RNF34: variants seen among roughly 807,000 people sequenced by gnomAD.
RNF34 encodes the protein ring finger protein 34.
RNF34 carries 12 observed loss-of-function variants against 37.9 expected under a neutral mutation model. That is an observed-to-expected ratio of 0.32 (90% CI 0.20 to 0.51). RNF34 has a LOEUF of 0.51. Ranked by LOEUF, RNF34 falls within the 20% of genes least tolerant of loss-of-function variation. The pLI is 0.97. For synonymous variants in RNF34, 155 were observed against 177.2 expected (o/e 0.87, Z 1.00); for missense variants, 362 against 472.7 (o/e 0.77, Z 2.17).
intron 5 of RNF34, among the ~76,000 whole-genome samples, chr12:121,422,417 G>GC (rs1872248549): frequency 6.6e-6 from 1 of 152,114 alleles, no homozygotes. Flanking sequence ...AGAGACCAAG[G>GC]CCCACTCTGA....
chr12:121,418,014 A>G (rs1555282599), intron 3 of RNF34, 103 bp downstream of exon 3: 4 of 1,256,960 alleles, frequency 3.2e-6, no homozygotes, highest in Non-Finnish European at 3.3e-6. Flanking sequence ...ACTTCAAGTC[A>G]TGTGCTGGAG....
chr12:121,418,005 C>CTT lies in RNF34; in HGVS notation c.633+95_633+96dup, dbSNP rs1472298147. 26 of 1,314,650 alleles carry CTT rather than the reference C, an allele frequency of 2.0e-5. No homozygotes were observed. In the Admixed American group the frequency reaches 5.4e-4, roughly 28 times the overall value. 81.4% of individuals were successfully genotyped at this position (1,314,650 alleles called of 1,614,324 possible). A position where few individuals can be genotyped will look rare whatever the true frequency, so the allele number is the denominator to read the frequency against. Reference sequence around the variant, plus strand: ...TTAGTGCTTGATGACTTCTGATAAACTTCAAGTCATGTGCTGGAGTGAAGC... The same window carrying CTT: ...TTAGTGCTTGATGACTTCTGATAAACTTTTCAAGTCATGTGCTGGAGTGAAGC... On this transcript the variant is annotated intron_variant, in intron 3 of 5. Coordinates refer to ENST00000361234, the MANE Select transcript of RNF34 (RefSeq NM_025126.4).
In RNF34 at chr12:121,420,750, C is replaced by T; in HGVS notation, c.900C>T (p.Tyr300=). 2 of 1,613,616 alleles carry T rather than the reference C, an allele frequency of 1.2e-6. No individual in the cohort carries two copies. Among genetic ancestry groups the T allele is most frequent in the Non-Finnish European group, 1.7e-6 (2 of 1,179,552 alleles). Residue 300 remains tyrosine, a synonymous_variant, in exon 5 of 6, where the codon TAC becomes TAT. Transcript: ENST00000361234. Reference sequence around the variant, plus strand: ...TGGTAGAGAAAGTAAACCGGTTATACAAAGAGAATGAAGAAAACCAAAAGT... The same window carrying T: ...TGGTAGAGAAAGTAAACCGGTTATATAAAGAGAATGAAGAAAACCAAAAGT... The part of the protein sequence containing the change: ...WELVEKVNRL[Y]KENEENQKSY...
At chr12:121,414,478 G>A (rs1871376322) in intron 1 of RNF34, among the ~76,000 whole-genome samples, 2 of 152,150 alleles carry the variant, frequency 1.3e-5, no homozygotes, top group African/African-American at 4.8e-5. Flanking sequence ...GGCAGGTATA[G>A]TGATAGCCCT....
chr12:121,422,335 T>C (rs1872240861), intron 5 of RNF34, among the ~76,000 whole-genome samples: 3 of 152,228 alleles, frequency 2.0e-5, no homozygotes, highest in South Asian at 4.1e-4. Context: ...TGTTCCCATA[T>C]CCCTGACAAG....
intron 1 of RNF34, among the ~76,000 whole-genome samples, chr12:121,406,405 A>G (rs1303817863): frequency 1.3e-5 from 2 of 151,136 alleles, no homozygotes; most frequent in South Asian, 2.1e-4. Context: ...TTGTGCCTCA[A>G]CCTCCCCAGT....
chr12:121,419,547 T>C lies in RNF34; in HGVS notation c.634-695T>C, dbSNP rs147950606. Reference sequence around the variant, plus strand: ...ACCACCATTTGGGTGATGTGGATTGTTGGATGCTACAGTATGGTGCCTGGC... The same window carrying C: ...ACCACCATTTGGGTGATGTGGATTGCTGGATGCTACAGTATGGTGCCTGGC... On this transcript the variant is annotated intron_variant, in intron 3 of 5. Coordinates refer to ENST00000361234, the MANE Select transcript of RNF34 (RefSeq NM_025126.4). 2.7e-5 allele frequency among the ~76,000 whole-genome samples: 4 copies of C among 147,690 alleles called. No homozygotes were observed. The East Asian group carries it at 7.9e-4, about 29-fold the overall frequency.
intron 3 of RNF34, chr12:121,418,330 G>A (rs573608438): frequency 6.2e-6 from 1 of 161,674 alleles, no homozygotes; most frequent in East Asian, 1.9e-4. Flanking sequence ...CAGTGAAATT[G>A]TTCTAATTTA....
At chr12:121,406,606 C>T (rs1444076619) in intron 1 of RNF34, among the ~76,000 whole-genome samples, 4 of 152,108 alleles carry the variant, frequency 2.6e-5, no homozygotes, top group African/African-American at 7.2e-5. Context: ...TTTTTAAATA[C>T]GATACCTGGT....
intron 1 of RNF34, among the ~76,000 whole-genome samples, chr12:121,403,184 C>T (rs1171696756): frequency 3.3e-5 from 5 of 152,260 alleles, no homozygotes; most frequent in Admixed American, 6.5e-5. Flanking sequence ...ATCACAAGGT[C>T]AGGAGGTTGA....
intron 1 of RNF34, among the ~76,000 whole-genome samples, chr12:121,406,283 A>AGTTGTTGTTGTTGTTGTTGTTGTT (rs79540358): frequency 0.062 from 9,390 of 150,542 alleles, 395 homozygotes; most frequent in East Asian, 0.19. Flanking sequence ...GGAATGTGTA[A>AGTTGTTGTTGTTGTTGTTGTTGTT]GTTGTTGTTG....
At position 121,423,719 on chromosome 12, in the gene RNF34, A is replaced by G; in HGVS notation, c.*143A>G. On this transcript the variant is annotated 3_prime_UTR_variant, in exon 6 of 6. Transcript: ENST00000361234. The surrounding 1 kb of genome is among the most constrained non-coding windows in gnomAD (Gnocchi z 4.3). ...CTACTAAGTGGGGACAGAAAGATCC[A>G]TCCTGAGTTGTGGAAACATTGGTCC... The G allele has an allele frequency of 1.4e-6, 1 of 737,584 alleles. No individual in the cohort carries two copies. Among genetic ancestry groups the G allele is most frequent in the East Asian group, 2.8e-5 (1 of 35,144 alleles). 45.7% of individuals were successfully genotyped at this position (737,584 alleles called of 1,614,324 possible).
intron 5 of RNF34, among the ~76,000 whole-genome samples, chr12:121,421,553 GAAC>G (rs1872168856): frequency 6.6e-6 from 1 of 151,638 alleles, no homozygotes; most frequent in South Asian, 2.1e-4. Flanking sequence ...AAACAAAACA[GAAC>G]AAAAACTTCT....
At chr12:121,415,238 C>A in intron 1 of RNF34, 1 of 271,130 alleles carries the variant, frequency 3.7e-6, no homozygotes, top group South Asian at 3.1e-5. Context: ...TTGATGTTTT[C>A]CAAGTCATTT....
chr12:121,401,814 C>CA (rs1392031079), intron 1 of RNF34, among the ~76,000 whole-genome samples: 2 of 152,076 alleles, frequency 1.3e-5, no homozygotes, highest in Non-Finnish European at 2.9e-5. Flanking sequence ...ATTTTAGAAA[C>CA]AAAGTTTGGT....
chr12:121,416,877 CTT>C (rs1388043353), intron 2 of RNF34, among the ~76,000 whole-genome samples: 1 of 152,268 alleles, frequency 6.6e-6, no homozygotes, highest in Admixed American at 6.5e-5. Context: ...TCCTTGCTCT[CTT>C]TGATCTTTAG....
intron 5 of RNF34, among the ~76,000 whole-genome samples, chr12:121,422,515 G>T (rs1486311113): frequency 6.6e-6 from 1 of 152,212 alleles, no homozygotes; most frequent in Non-Finnish European, 1.5e-5. Flanking sequence ...CACACCAGTA[G>T]TCGTGGGCCA....
rs1037178233 is a variant in RNF34, at chr12:121,400,132, G to A, written c.-81G>A. On this transcript the variant is annotated 5_prime_UTR_variant, in exon 1 of 6. Transcript: ENST00000361234. The stretch of plus-strand genomic sequence containing the variant: ...CGGGGCGCGGTAATCACCGCCCAGA[G>A]GGAAGGAGGTCGGCAGTGTGAGGAG... 10 of 1,530,536 alleles carry A rather than the reference G, an allele frequency of 6.5e-6. No individual in the cohort carries two copies. Among genetic ancestry groups the A allele is most frequent in the African/African-American group, 4.1e-5 (3 of 72,772 alleles). The allele number at this position is 1,530,536 out of a possible 1,614,324, so 94.8% of individuals were successfully genotyped here.
intron 1 of RNF34, among the ~76,000 whole-genome samples, chr12:121,400,551 G>T (rs1365080049): frequency 1.3e-5 from 2 of 152,220 alleles, no homozygotes; most frequent in Non-Finnish European, 2.9e-5. Flanking sequence ...GGGCTCGCCT[G>T]AGCCTCGGTC....
Sources: gnomAD v4.1 joint callset for allele counts (sites outside exome capture counted in the v4.1 genomes callset) on GRCh38, gnomAD v4.1.1 for gene constraint, Gnocchi (gnomAD v3.1) non-coding constraint, MANE v1.5 for transcripts, NCBI Gene and HGNC (gene_info 2026-07-23, HGNC 2026-07-21) for gene names.